The following EPHA7 variants were observed in gnomAD, a reference collection of about 807,000 sequenced individuals.
EPHA7 encodes EPH receptor A7.
Under a neutral mutation model 112.6 loss-of-function variants are expected in EPHA7, and 25 were observed. The observed-to-expected ratio is 0.22, with a 90% CI of 0.16 to 0.31. EPHA7 has a LOEUF of 0.31. EPHA7 is among the 10% of genes least tolerant of loss of function. The pLI, the probability that EPHA7 is intolerant of heterozygous loss-of-function variation, is 1.00. For synonymous variants in EPHA7, 437 were observed against 406.5 expected, an observed-to-expected ratio of 1.07 and a Z score of -0.90; for missense variants, 962 against 1,212.6, an observed-to-expected ratio of 0.79 and a Z score of 3.07.
intron 5 of EPHA7, among the ~76,000 whole-genome samples, chr6:93,286,214 G>A (rs750144148): frequency 6.6e-6 from 1 of 152,028 alleles, no homozygotes; most frequent in African/African-American, 2.4e-5. Flanking sequence ...GGGCATCTAT[G>A]TTTTATTCAG....
chr6:93,269,580 C>T lies in EPHA7; in HGVS notation c.1530G>A (p.Val510=). The T allele has an allele frequency of 1.9e-6, 3 of 1,607,570 alleles. No homozygotes were observed. The highest frequency in any genetic ancestry group is 2.5e-6 in the Non-Finnish European group (3 of 1,176,656). ...TAAAAGCCCGAATCTGGAAAACATACACTGTTCCTGGTTTCAGATTATTAA... is the reference window on the plus strand; with the variant it reads ...TAAAAGCCCGAATCTGGAAAACATATACTGTTCCTGGTTTCAGATTATTAA... ...ASINNLKPGT[V]YVFQIRAFTA... Residue 510 remains valine, a synonymous_variant, in exon 7 of 17, where the codon GTG becomes GTA. Transcript: ENST00000369303.
At chr6:93,388,086 T>C (rs977987843) in intron 3 of EPHA7, among the ~76,000 whole-genome samples, 2 of 152,116 alleles carry the variant, frequency 1.3e-5, no homozygotes, top group African/African-American at 4.8e-5. Context: ...CAACAAAAGA[T>C]GACCCACATG....
intron 5 of EPHA7, among the ~76,000 whole-genome samples, chr6:93,293,683 C>T (rs1772501357): frequency 6.6e-6 from 1 of 152,144 alleles, no homozygotes; most frequent in African/African-American, 2.4e-5. Context: ...TTTGACAGGT[C>T]AGATGCTAAC....
rs759146981 is a variant in EPHA7, at chr6:93,410,956, T to C, written c.377A>G (p.Tyr126Cys). 6.2e-7 allele frequency: 1 copy of C among 1,614,048 alleles called. No homozygotes were observed. Among genetic ancestry groups the C allele is most frequent in the Non-Finnish European group, 8.5e-7 (1 of 1,179,966 alleles). Residue 126 changes from tyrosine to cysteine, a missense_variant, in exon 3 of 17, where the codon TAC (tyrosine) becomes TGC (cysteine). This residue lies in a region of EPHA7 where 160 missense variants were observed against 263.6 expected (regional missense o/e 0.61). Transcript: ENST00000369303. The surrounding 1 kb of genome is among the most constrained non-coding windows in gnomAD (Gnocchi z 4.0). ...LGTCKETFNL[Y>C]YYETDYDTGR... ...AGTGTCATAGTCTGTTTCATAATAGTACAAATTAAATGTTTCCTTGCAAGT... is the reference window on the plus strand; with the variant it reads ...AGTGTCATAGTCTGTTTCATAATAGCACAAATTAAATGTTTCCTTGCAAGT...
Position 93,292,023 on chromosome 6 carries a change from A to G in EPHA7, c.1325-19601T>C, listed in dbSNP as rs140967389. ...AATCAACATAAATTTTACTTCTCAT[A>G]TTTGGAATTAAACAATAACATATGA... On this transcript the variant is annotated intron_variant, in intron 5 of 16. Coordinates refer to ENST00000369303, the MANE Select transcript of EPHA7 (RefSeq NM_004440.4). 3.5e-3 allele frequency among the ~76,000 whole-genome samples: 537 copies of G among 152,180 alleles called. 4 individuals carry two copies. The highest frequency in any genetic ancestry group is 0.011 in the African/African-American group (465 of 41,536).
At chr6:93,284,331 T>TTTC (rs562638619) in intron 5 of EPHA7, among the ~76,000 whole-genome samples, 1 of 151,136 alleles carries the variant, frequency 6.6e-6, no homozygotes. Context: ...TTTTTTTTTT[T>TTTC]CAAAATCATC....
intron 3 of EPHA7, among the ~76,000 whole-genome samples, chr6:93,391,075 T>A (rs1272054047): frequency 6.6e-6 from 1 of 151,978 alleles, no homozygotes; most frequent in East Asian, 1.9e-4. Flanking sequence ...TTAAAATGCA[T>A]TAAATTTTGG....
At chr6:93,250,165 C>G (rs1055895054) in intron 14 of EPHA7, among the ~76,000 whole-genome samples, 1 of 152,132 alleles carries the variant, frequency 6.6e-6, no homozygotes, top group African/African-American at 2.4e-5. Context: ...GACATGAACA[C>G]TTAAGGTACT....
rs370383116 is a variant in EPHA7, at chr6:93,344,789, G to C, written c.1324+11928C>G. ...TTCCCTTCCTTTGGTAATTGTGACA[G>C]CCCCCTTATTCAACTGGCCTGGCCA... On this transcript the variant is annotated intron_variant, in intron 5 of 16. Coordinates refer to ENST00000369303, the MANE Select transcript of EPHA7 (RefSeq NM_004440.4). Among the ~76,000 whole-genome samples, 19 of 151,554 alleles carry C rather than the reference G, an allele frequency of 1.3e-4. No homozygotes were observed. The East Asian group carries it at 3.1e-3, about 25-fold the overall frequency.
chr6:93,326,728 T>A (rs1400001116), intron 5 of EPHA7, among the ~76,000 whole-genome samples: 2 of 117,158 alleles, frequency 1.7e-5, no homozygotes, highest in African/African-American at 4.4e-5. Context: ...AACAGAGGAA[T>A]CTTGTCTATT....
intron 3 of EPHA7, among the ~76,000 whole-genome samples, chr6:93,386,504 T>TG (rs1223292808): frequency 1.3e-5 from 2 of 152,148 alleles, no homozygotes; most frequent in Non-Finnish European, 2.9e-5. Flanking sequence ...GAGCTAGCAA[T>TG]GAGTGCCTGT....
chr6:93,240,206 G>C lies in EPHA7; in HGVS notation c.*3220C>G, dbSNP rs569963470. 1 of 223,276 alleles carries C rather than the reference G, an allele frequency of 4.5e-6. No individual in the cohort carries two copies. The highest frequency in any genetic ancestry group is 8.9e-6 in the Non-Finnish European group (1 of 112,034). 13.8% of individuals were successfully genotyped at this position (223,276 alleles called of 1,614,324 possible). A position where few individuals can be genotyped will look rare whatever the true frequency, so the allele number is the denominator to read the frequency against. On this transcript the variant is annotated 3_prime_UTR_variant, in exon 17 of 17. Transcript: ENST00000369303. Reference sequence around the variant, plus strand: ...GCAAGGAGGGACAAATTCAACCAACGAAAAGCACATCTCGCCCCGAGTTCC... The same window carrying C: ...GCAAGGAGGGACAAATTCAACCAACCAAAAGCACATCTCGCCCCGAGTTCC...
At chr6:93,314,918 A>G (rs1242385932) in intron 5 of EPHA7, among the ~76,000 whole-genome samples, 3 of 127,762 alleles carry the variant, frequency 2.3e-5, no homozygotes, top group African/African-American at 6.2e-5. Context: ...GCTGGAGTGC[A>G]GTGGCGCGAT....
intron 2 of EPHA7, among the ~76,000 whole-genome samples, chr6:93,412,268 A>C (rs914527365): frequency 6.6e-6 from 1 of 151,902 alleles, no homozygotes; most frequent in Non-Finnish European, 1.5e-5. Context: ...CATAGCATGC[A>C]ATATTTTAAC....
In EPHA7 at chr6:93,395,563, TCTTTA is replaced by T. The variant is rs552252028; in HGVS notation, c.832+14933_832+14937del. ...AAAATATAAAGTGGATAAGGATATA[TCTTTA>T]CTTATTTCACACACACACACACACA... is the stretch of plus-strand genomic sequence containing the variant. On this transcript the variant is annotated intron_variant, in intron 3 of 16. Transcript: ENST00000369303. Among the ~76,000 whole-genome samples, 22 of 142,062 alleles carry T rather than the reference TCTTTA, an allele frequency of 1.5e-4. No individual in the cohort carries two copies. The East Asian group carries it at 2.8e-3, about 18-fold the overall frequency. 93.2% of individuals were successfully genotyped at this position (142,062 alleles called of 152,430 possible).
chr6:93,245,835 T>C (rs1418801522), intron 15 of EPHA7, among the ~76,000 whole-genome samples: 1 of 152,160 alleles, frequency 6.6e-6, no homozygotes, highest in Non-Finnish European at 1.5e-5. Context: ...ATATTGTGCA[T>C]CTCCTTTGCT....
At chr6:93,366,228 T>G (rs1313592692) in intron 3 of EPHA7, among the ~76,000 whole-genome samples, 1 of 152,166 alleles carries the variant, frequency 6.6e-6, no homozygotes, top group Non-Finnish European at 1.5e-5. Context: ...GTTGAAGAGG[T>G]AATATGATAC....
At chr6:93,272,488 C>T (rs1771276691) in intron 5 of EPHA7, 66 bp from the exon 6 acceptor site, 1 of 1,595,304 alleles carries the variant, frequency 6.3e-7, no homozygotes, top group Non-Finnish European at 8.6e-7. Flanking sequence ...TCAAATGTCA[C>T]AACTGATCAG....
intron 6 of EPHA7, 60 bp from the exon 7 acceptor site, chr6:93,269,720 CAACT>C (rs1771118211): frequency 1.5e-6 from 2 of 1,314,370 alleles, no homozygotes; most frequent in Admixed American, 2.6e-5. Context: ...ATTTGACAGC[CAACT>C]GTTTCAATTT....
Sources: allele counts gnomAD v4.1 joint callset (sites outside exome capture counted in the v4.1 genomes callset), GRCh38; gene constraint gnomAD v4.1.1; regional missense constraint gnomAD v4.1.1; non-coding constraint Gnocchi (gnomAD v3.1); transcripts MANE v1.5; gene names NCBI Gene and HGNC (gene_info 2026-07-23, HGNC 2026-07-21).